Variants in NFAT5 observed in about 807,000 individuals in gnomAD.
NFAT5 encodes nuclear factor of activated T-cells 5.
Under a neutral mutation model 166.5 loss-of-function variants are expected in NFAT5, and 31 were observed. That is an observed-to-expected ratio of 0.19 (90% confidence interval 0.14 to 0.25). The LOEUF is 0.25. Among genes scored for constraint, NFAT5 ranks in the 10% least tolerant of loss-of-function variants. NFAT5 has a pLI of 1.00. For synonymous variants in NFAT5, 612 were observed against 639.7 expected (o/e 0.96, Z 0.65); for missense variants, 1,449 against 1,821.8 (o/e 0.80, Z 3.72).
At chr16:69,648,224 A>G in intron 4 of NFAT5, 16 of 985,076 alleles carry the variant, frequency 1.6e-5, no homozygotes, top group Non-Finnish European at 1.9e-5. Flanking sequence ...TAGCAATGTA[A>G]TGACTCCATC....
At chr16:69,613,056 A>G (rs1056921558) in intron 2 of NFAT5, among the ~76,000 whole-genome samples, 1 of 152,052 alleles carries the variant, frequency 6.6e-6, no homozygotes, top group Non-Finnish European at 1.5e-5. Context: ...TAACTCCTAT[A>G]TTCTCTATCA....
intron 2 of NFAT5, among the ~76,000 whole-genome samples, chr16:69,625,265 A>G (rs1376236317): frequency 2.0e-5 from 3 of 152,040 alleles, no homozygotes; most frequent in Non-Finnish European, 4.4e-5. Context: ...TATTTTGGGA[A>G]TTATTTCTGT....
intron 2 of NFAT5, among the ~76,000 whole-genome samples, 164 bp from the exon 3 acceptor site, chr16:69,626,239 A>C (rs2034454709): frequency 6.6e-6 from 1 of 152,140 alleles, no homozygotes; most frequent in African/African-American, 2.4e-5. Flanking sequence ...GGTGTGAGCC[A>C]CTGTGCTCAG....
At chr16:69,616,284 A>T (rs11648277) in intron 2 of NFAT5, among the ~76,000 whole-genome samples, 11,701 of 151,842 alleles carry the variant, frequency 0.077, 583 homozygotes, top group South Asian at 0.21. Context: ...TGCCCAGTGA[A>T]CACACTATTT....
At chr16:69,582,617 G>T (rs2031770955) in intron 2 of NFAT5, among the ~76,000 whole-genome samples, 1 of 147,780 alleles carries the variant, frequency 6.8e-6, no homozygotes, top group Non-Finnish European at 1.5e-5. Context: ...GAAAAGACTT[G>T]TTTCCCCCAT....
chr16:69,630,210 A>G (rs1186904446), intron 3 of NFAT5, among the ~76,000 whole-genome samples: 2 of 151,868 alleles, frequency 1.3e-5, no homozygotes, highest in Admixed American at 6.6e-5. Flanking sequence ...TTTTGTAGAG[A>G]CAGGGTCTTA....
At chr16:69,568,454 A>T in intron 1 of NFAT5, 41 bp from the exon 2 acceptor site, 5 of 1,583,672 alleles carry the variant, frequency 3.2e-6, no homozygotes, top group East Asian at 2.3e-5. Context: ...TTTTTTCCTC[A>T]TTCAGCATAA....
intron 3 of NFAT5, chr16:69,646,589 T>A: frequency 8.4e-7 from 1 of 1,184,802 alleles, no homozygotes; most frequent in Non-Finnish European, 1.1e-6. Context: ...GTTAGAAACT[T>A]ATTTTAATAT....
chr16:69,650,174 C>T (rs114747811), intron 4 of NFAT5, among the ~76,000 whole-genome samples: 20 of 152,034 alleles, frequency 1.3e-4, no homozygotes, highest in East Asian at 7.7e-4. Flanking sequence ...TTATGCGGCA[C>T]GAATAAATTA....
intron 11 of NFAT5, among the ~76,000 whole-genome samples, chr16:69,689,318 T>C (rs1336564444): frequency 1.3e-5 from 2 of 152,152 alleles, no homozygotes; most frequent in Non-Finnish European, 2.9e-5. Flanking sequence ...GGGAATTGTA[T>C]TGGTATTAGA....
intron 2 of NFAT5, among the ~76,000 whole-genome samples, chr16:69,607,685 A>G (rs1331180518): frequency 2.0e-5 from 3 of 152,242 alleles, no homozygotes; most frequent in Non-Finnish European, 2.9e-5. Context: ...ATTCTCTTCT[A>G]GAGCACATTT....
intron 9 of NFAT5, 190 bp from the exon 10 acceptor site, chr16:69,677,013 C>T: frequency 1.9e-6 from 1 of 529,128 alleles, no homozygotes; most frequent in Non-Finnish European, 3.2e-6. Flanking sequence ...CATTATAAAA[C>T]ACTTGGATTT....
chr16:69,594,321 G>A (rs1466190481), intron 2 of NFAT5, among the ~76,000 whole-genome samples: 2 of 152,222 alleles, frequency 1.3e-5, no homozygotes, highest in Non-Finnish European at 2.9e-5. Flanking sequence ...TAACACAATA[G>A]TAAGTATTTG....
intron 2 of NFAT5, among the ~76,000 whole-genome samples, chr16:69,623,044 C>T (rs552470875): frequency 6.6e-6 from 1 of 152,152 alleles, no homozygotes; most frequent in African/African-American, 2.4e-5. Flanking sequence ...ACTTGGGAGG[C>T]TGAGGCAGGA....
Position 69,701,368 on chromosome 16 carries a change from T to TAGATCA in NFAT5, c.*5018_*5019insGATCAA, listed in dbSNP as rs1567624447. 1 of 152,390 alleles carries TAGATCA rather than the reference T, an allele frequency of 6.6e-6. No homozygotes were observed. The highest frequency in any genetic ancestry group is 2.4e-5 in the African/African-American group (1 of 41,346). The allele number at this position is 152,390 out of a possible 1,614,324, so 9.4% of individuals were successfully genotyped here. ...TAAATTAATATTTTATATCTAGATC[T>TAGATCA]AATGCTATGGAAAAGTGCCTTTTTA... is the stretch of plus-strand genomic sequence containing the variant. On this transcript the variant is annotated 3_prime_UTR_variant, in exon 15 of 15. Coordinates refer to ENST00000349945, the MANE Select transcript of NFAT5 (RefSeq NM_138713.4).
chr16:69,666,381 G>A (rs982333407), intron 7 of NFAT5, among the ~76,000 whole-genome samples: 2 of 151,742 alleles, frequency 1.3e-5, no homozygotes, highest in East Asian at 1.9e-4. Context: ...GAGTGAACAG[G>A]CAACCTACAA....
At chr16:69,610,112 T>C (rs1009682744) in intron 2 of NFAT5, among the ~76,000 whole-genome samples, 2 of 152,142 alleles carry the variant, frequency 1.3e-5, no homozygotes, top group Non-Finnish European at 2.9e-5. Context: ...GAAAACTAAC[T>C]TTTTAAGGCT....
At position 69,698,423 on chromosome 16, in the gene NFAT5, C is replaced by A. The variant is rs960034554; in HGVS notation, c.*2072C>A. ...CATATATATAAACTATTCTTTTTTG[C>A]CACACATTTTTGTGGTAAATTTGTG... is the stretch of plus-strand genomic sequence containing the variant. On this transcript the variant is annotated 3_prime_UTR_variant, in exon 15 of 15. Coordinates refer to ENST00000349945, the MANE Select transcript of NFAT5 (RefSeq NM_138713.4). The A allele has an allele frequency of 1.3e-5, 2 of 150,494 alleles. No homozygotes were observed. Among genetic ancestry groups the A allele is most frequent in the African/African-American group, 2.5e-5 (1 of 40,670 alleles). The allele number at this position is 150,494 out of a possible 1,614,324, so 9.3% of individuals were successfully genotyped here. A position where few individuals can be genotyped will look rare whatever the true frequency, so the allele number is the denominator to read the frequency against.
chr16:69,673,467 A>C (rs759800510), intron 9 of NFAT5, among the ~76,000 whole-genome samples: 6 of 152,150 alleles, frequency 3.9e-5, no homozygotes, highest in Non-Finnish European at 7.3e-5. Flanking sequence ...TCATACCTAT[A>C]ATCCCAGCAC....
Sources: allele counts gnomAD v4.1 joint callset (sites outside exome capture counted in the v4.1 genomes callset), GRCh38; gene constraint gnomAD v4.1.1; transcripts MANE v1.5; gene names NCBI Gene and HGNC (gene_info 2026-07-23, HGNC 2026-07-21).